Variants in SNX29 observed in about 807,000 individuals in gnomAD.
The protein encoded by SNX29 is sorting nexin-29.
SNX29 carries 78 observed loss-of-function variants against 102.1 expected under a neutral mutation model. The observed-to-expected ratio is 0.76, with a 90% CI of 0.64 to 0.92. The LOEUF is 0.92. Ranked by LOEUF, SNX29 falls within the 40% of genes least tolerant of loss-of-function variation. The pLI, the probability that SNX29 is intolerant of heterozygous loss-of-function variation, is 0.00. For synonymous variants in SNX29, 580 were observed against 414.5 expected (o/e 1.40, Z -4.85); for missense variants, 1,280 against 1,061.7 (o/e 1.21, Z -2.86).
chr16:12,421,623 C>T (rs2151588810), intron 18 of SNX29, among the ~76,000 whole-genome samples: 1 of 152,316 alleles, frequency 6.6e-6, no homozygotes, highest in African/African-American at 2.4e-5. Context: ...GAACTTGACG[C>T]AATGTCTGAC....
At chr16:12,380,723 CCCG>C (rs2151424168) in intron 16 of SNX29, among the ~76,000 whole-genome samples, 1 of 126,862 alleles carries the variant, frequency 7.9e-6, no homozygotes. Flanking sequence ...ATTCCATCCA[CCCG>C]CCATCCATCC....
Position 12,305,073 on chromosome 16 carries a change from A to G in SNX29, c.1782+27037A>G, listed in dbSNP as rs147931566. On this transcript the variant is annotated intron_variant, in intron 15 of 20. Coordinates refer to ENST00000566228, the MANE Select transcript of SNX29 (RefSeq NM_032167.5). ...CTCAAGGCTGTAATTAGGAACATCAATTATCATAGTGTGACACTATAAAAA... is the reference window on the plus strand; with the variant it reads ...CTCAAGGCTGTAATTAGGAACATCAGTTATCATAGTGTGACACTATAAAAA... Among the ~76,000 whole-genome samples, 488 of 152,348 alleles carry G rather than the reference A, an allele frequency of 3.2e-3. 3 individuals are homozygous for G. Among genetic ancestry groups the G allele is most frequent in the African/African-American group, 0.011 (471 of 41,574 alleles).
At chr16:12,558,205 C>A (rs1385017862) in intron 20 of SNX29, among the ~76,000 whole-genome samples, 1 of 136,754 alleles carries the variant, frequency 7.3e-6, no homozygotes, top group Non-Finnish European at 1.6e-5. Flanking sequence ...TTTACTCCAG[C>A]AGAACCATCA....
Position 12,557,015 on chromosome 16 carries a change from A to ACAC in SNX29, c.2319-11490_2319-11489insACC, listed in dbSNP as rs66825746. The stretch of plus-strand genomic sequence containing the variant: ...GGTACACACCACATCTGGCTAATTT[A>ACAC]CCCCCCCCCCGCCCCAAGATGAGGT... On this transcript the variant is annotated intron_variant, in intron 20 of 20. Coordinates refer to ENST00000566228, the MANE Select transcript of SNX29 (RefSeq NM_032167.5). Among the ~76,000 whole-genome samples the ACAC allele has an allele frequency of 5.4e-3, 172 of 31,794 alleles. 8 individuals are homozygous for ACAC. The highest frequency in any genetic ancestry group is 0.016 in the African/African-American group (118 of 7,324). The allele number at this position is 31,794 out of a possible 152,430, so 20.9% of individuals were successfully genotyped here.
chr16:12,177,050 C>T (rs1419577778), intron 13 of SNX29, among the ~76,000 whole-genome samples: 4 of 152,084 alleles, frequency 2.6e-5, no homozygotes, highest in African/African-American at 4.8e-5. Flanking sequence ...TGGGATCAAG[C>T]AATCCTCCTA....
intron 1 of SNX29, among the ~76,000 whole-genome samples, chr16:11,983,059 T>C (rs901796241): frequency 9.9e-5 from 15 of 151,982 alleles, no homozygotes; most frequent in African/African-American, 1.9e-4. Flanking sequence ...GCCTCCTGAG[T>C]AGCTGGGATT....
At chr16:12,360,959 C>T (rs963459198) in intron 16 of SNX29, among the ~76,000 whole-genome samples, 1 of 152,156 alleles carries the variant, frequency 6.6e-6, no homozygotes, top group African/African-American at 2.4e-5. Flanking sequence ...TTTCTTTCTC[C>T]AAGCTACACC....
At chr16:12,473,439 G>A (rs1456480907) in intron 18 of SNX29, among the ~76,000 whole-genome samples, 1 of 152,166 alleles carries the variant, frequency 6.6e-6, no homozygotes, top group Admixed American at 6.5e-5. Flanking sequence ...TCAGGGGAAC[G>A]AGGCAAGGGC....
intron 18 of SNX29, among the ~76,000 whole-genome samples, chr16:12,423,454 G>T (rs941862996): frequency 6.6e-6 from 1 of 152,150 alleles, no homozygotes; most frequent in African/African-American, 2.4e-5. Flanking sequence ...CAGGGCTTTG[G>T]GGCTCAGGCA....
At chr16:11,988,043 C>T (rs571945427) in intron 1 of SNX29, among the ~76,000 whole-genome samples, 3 of 152,210 alleles carry the variant, frequency 2.0e-5, no homozygotes, top group South Asian at 4.1e-4. Flanking sequence ...CCTGTAATCC[C>T]AGCACTTTGG....
chr16:12,320,296 C>T (rs1393137749), intron 15 of SNX29, among the ~76,000 whole-genome samples: 2 of 152,122 alleles, frequency 1.3e-5, no homozygotes, highest in Non-Finnish European at 1.5e-5. Context: ...TGCACCAGCC[C>T]TGCCATTGGA....
chr16:12,028,947 C>T (rs2057266377), intron 4 of SNX29, among the ~76,000 whole-genome samples: 1 of 150,238 alleles, frequency 6.7e-6, no homozygotes, highest in Non-Finnish European at 1.5e-5. Context: ...CAGGTTTCAC[C>T]ATGTTGGCCA....
intron 16 of SNX29, among the ~76,000 whole-genome samples, chr16:12,371,446 T>A (rs2082679023): frequency 6.6e-6 from 1 of 152,186 alleles, no homozygotes; most frequent in Non-Finnish European, 1.5e-5. Flanking sequence ...TATAGGTGCA[T>A]ACCACCATGC....
rs183297065 is a variant in SNX29 at position 12,444,343 on chromosome 16, T to C, written c.2038-33376T>C. Among the ~76,000 whole-genome samples the C allele has an allele frequency of 2.3e-3, 348 of 152,220 alleles. 1 individual carries two copies. Among genetic ancestry groups the C allele is most frequent in the Non-Finnish European group, 4.1e-3 (282 of 68,012 alleles). On this transcript the variant is annotated intron_variant, in intron 18 of 20. Coordinates refer to ENST00000566228, the MANE Select transcript of SNX29 (RefSeq NM_032167.5). ...GTAGTAAGCACTCAGTCAAAGCTAT[T>C]TGCTGCTGTGCTGCTGTTTCTTCCC...
Position 12,061,547 on chromosome 16 carries a change from T to C in SNX29, c.1144T>C (p.Cys382Arg), listed in dbSNP as rs1219598913. The change falls in exon 9 of 21, where the codon TGC (cysteine) becomes CGC (arginine). Residue 382 changes from cysteine to arginine, a missense_variant. Coordinates refer to ENST00000566228, the MANE Select transcript of SNX29 (RefSeq NM_032167.5). ...SPEKPLEGNT[C>R]LSQMHSWAPL... The stretch of plus-strand genomic sequence containing the variant: ...CCTTAGGCCACTGGAAGGGAACACC[T>C]GCCTCTCCCAGATGCACAGCTGGGC... 4 of 1,606,948 alleles carry C rather than the reference T, an allele frequency of 2.5e-6. No individual in the cohort carries two copies. In the East Asian group the frequency reaches 8.9e-5, roughly 36 times the overall value.
At chr16:12,551,776 C>A (rs563890844) in intron 20 of SNX29, among the ~76,000 whole-genome samples, 4 of 152,146 alleles carry the variant, frequency 2.6e-5, no homozygotes, top group Non-Finnish European at 4.4e-5. Context: ...ACCAGGGGCC[C>A]GCTTCAGAAG....
At chr16:12,017,850 A>G (rs1162496649) in intron 3 of SNX29, among the ~76,000 whole-genome samples, 2 of 151,972 alleles carry the variant, frequency 1.3e-5, no homozygotes, top group African/African-American at 4.8e-5. Flanking sequence ...TACCATTATT[A>G]TAGATAAAAT....
At chr16:12,324,819 C>T (rs888076208) in intron 15 of SNX29, among the ~76,000 whole-genome samples, 1 of 152,058 alleles carries the variant, frequency 6.6e-6, no homozygotes, top group Non-Finnish European at 1.5e-5. Flanking sequence ...TGCTGAAAAC[C>T]GAAACCTCCC....
intron 13 of SNX29, among the ~76,000 whole-genome samples, chr16:12,146,680 A>C (rs763461836): frequency 6.6e-6 from 1 of 152,200 alleles, no homozygotes; most frequent in Non-Finnish European, 1.5e-5. Context: ...TGGCTCCTGC[A>C]TCTGTGGCTG....
Sources: allele counts gnomAD v4.1 joint callset (sites outside exome capture counted in the v4.1 genomes callset), GRCh38; gene constraint gnomAD v4.1.1; transcripts MANE v1.5; gene names NCBI Gene and HGNC (gene_info 2026-07-23, HGNC 2026-07-21).